The following LCT variants were observed in gnomAD, a reference collection of about 807,000 sequenced individuals.
LCT encodes lactase.
Under a neutral mutation model 173.0 loss-of-function variants are expected in LCT, and 90 were observed. That is an observed-to-expected ratio of 0.52 (90% confidence interval 0.44 to 0.62). The LOEUF is 0.62. LCT is among the 20% of genes least tolerant of loss of function. The pLI, the probability that LCT is intolerant of heterozygous loss-of-function variation, is 0.00. For missense variants in LCT, 1,864 were observed against 2,431.4 expected, an observed-to-expected ratio of 0.77 and a Z score of 4.91; for synonymous variants, 853 against 957.6, an observed-to-expected ratio of 0.89 and a Z score of 2.02.
chr2:135,798,164 C>T, intron 12 of LCT, 26 bp from the exon 13 acceptor site: 3 of 1,250,438 alleles, frequency 2.4e-6, no homozygotes, highest in Non-Finnish European at 3.5e-6. Flanking sequence ...GGGAGACAGC[C>T]CAGGCGTTAC....
Position 135,809,802 on chromosome 2 carries a change from T to C in LCT, c.2545A>G (p.Thr849Ala), listed in dbSNP as rs747693153. The change falls in exon 8 of 17, where the codon ACC (threonine) becomes GCC (alanine). Residue 849 changes from threonine (T) to alanine (A), a missense_variant. Around this residue, in one of 4 missense-constraint regions of LCT, gnomAD observed 755 missense variants for 926.3 expected, o/e 0.82. Coordinates refer to ENST00000264162, the MANE Select transcript of LCT (RefSeq NM_002299.4). This position sits in a 1 kb window ranked among gnomAD's most constrained non-coding sequence, Gnocchi z 5.5. Reference sequence around the variant, plus strand: ...GGTAGCAGTCTTTTTGCCCCCTTGGTGAGGAAACCGTTCTTTTCTATGATG... The same window carrying C: ...GGTAGCAGTCTTTTTGCCCCCTTGGCGAGGAAACCGTTCTTTTCTATGATG... ...TSIIEKNGFLTKGAKRLLPPN... is the reference protein window; with the variant it reads ...TSIIEKNGFLAKGAKRLLPPN... 17 of 1,614,166 alleles carry C rather than the reference T, an allele frequency of 1.1e-5. No homozygotes were observed. In the Admixed American group the frequency reaches 2.8e-4, roughly 27 times the overall value.
At chr2:135,832,497 T>C (rs1338709650) in intron 2 of LCT, among the ~76,000 whole-genome samples, 1 of 151,662 alleles carries the variant, frequency 6.6e-6, no homozygotes, top group Non-Finnish European at 1.5e-5. Context: ...TTAATTTTTT[T>C]TTTTCAAGAC....
intron 1 of LCT, among the ~76,000 whole-genome samples, chr2:135,835,255 T>C (rs1190508164): frequency 6.6e-6 from 1 of 151,924 alleles, no homozygotes; most frequent in Non-Finnish European, 1.5e-5. Flanking sequence ...TCTTTTGTTT[T>C]AAGCAATACT....
chr2:135,834,723 G>T (rs1180581014), intron 1 of LCT, among the ~76,000 whole-genome samples: 1 of 130,284 alleles, frequency 7.7e-6, no homozygotes, highest in East Asian at 2.3e-4. Context: ...GGGAGGCAGA[G>T]GTTGCAGTGA....
chr2:135,820,923 C>T (rs904703929), intron 5 of LCT, among the ~76,000 whole-genome samples: 1 of 151,974 alleles, frequency 6.6e-6, no homozygotes, highest in African/African-American at 2.4e-5. Context: ...CTCCATCACC[C>T]AGGCTGGAGT....
rs1265181323 is a variant in LCT, at chr2:135,808,504, C to T, written c.3843G>A (p.Pro1281=). The T allele has an allele frequency of 8.7e-6, 14 of 1,614,058 alleles. No homozygotes were observed. Among genetic ancestry groups the T allele is most frequent in the South Asian group, 2.2e-5 (2 of 91,074 alleles). Residue 1281 remains proline, a synonymous_variant, in exon 8 of 17, where the codon CCG becomes CCA. Transcript: ENST00000264162. ...ITENGVGLTN[P]NTEDTDRIFY... is the part of the protein sequence containing the mutation. Reference sequence around the variant, plus strand: ...ATATCCTATCAGTATCCTCCGTGTTCGGATTGGTCAGCCCCACTCCGTTTT... The same window carrying T: ...ATATCCTATCAGTATCCTCCGTGTTTGGATTGGTCAGCCCCACTCCGTTTT...
At chr2:135,830,545 A>C (rs942358776) in intron 2 of LCT, among the ~76,000 whole-genome samples, 1 of 152,200 alleles carries the variant, frequency 6.6e-6, no homozygotes, top group East Asian at 1.9e-4. Context: ...GTGAATGCCT[A>C]GTGTTCCATT....
intron 16 of LCT, among the ~76,000 whole-genome samples, chr2:135,788,779 T>C (rs560851755): frequency 6.6e-6 from 1 of 152,352 alleles, no homozygotes; most frequent in Admixed American, 6.5e-5. Context: ...ATATCCCTTA[T>C]CTGACATGCT....
At position 135,789,755 on chromosome 2, in the gene LCT, A is replaced by G; in HGVS notation, c.5379T>C (p.Ser1793=). ...TGGCCCACTCAAAATTGTCCATCGCACTCCAAACTGTGTATCCTCGAAGGT... is the reference window on the plus strand; with the variant it reads ...TGGCCCACTCAAAATTGTCCATCGCGCTCCAAACTGTGTATCCTCGAAGGT... The part of the protein sequence containing the change: ...KVDLRGYTVW[S]AMDNFEWATG... Residue 1793 remains serine (S), a synonymous_variant, in exon 16 of 17, where the codon AGT becomes AGC. Transcript: ENST00000264162. 1 of 1,614,114 alleles carries G rather than the reference A, an allele frequency of 6.2e-7. No homozygotes were observed. Among genetic ancestry groups the G allele is most frequent in the Non-Finnish European group, 8.5e-7 (1 of 1,180,022 alleles).
Position 135,807,008 on chromosome 2 carries a change from C to T in LCT, c.4173+120G>A, listed in dbSNP as rs143202797. ...AGAGGACCTCCCAGACCCCATGCTG[C>T]CCCTCCATGGGTCTGCTGGAATCTC... On this transcript the variant is annotated intron_variant, in intron 9 of 16. Transcript: ENST00000264162. The T allele has an allele frequency of 6.3e-4, 734 of 1,156,716 alleles. 3 individuals are homozygous for T. The African/African-American group carries it at 6.6e-3, about 10-fold the overall frequency. 71.7% of individuals were successfully genotyped at this position (1,156,716 alleles called of 1,614,324 possible). A position where few individuals can be genotyped will look rare whatever the true frequency, so the allele number is the denominator to read the frequency against.
intron 3 of LCT, among the ~76,000 whole-genome samples, chr2:135,826,184 G>C (rs1553434993): frequency 3.3e-5 from 5 of 152,138 alleles, no homozygotes; most frequent in Non-Finnish European, 7.4e-5. Context: ...GTTTGTCCAG[G>C]GAGAGTTTTA....
chr2:135,827,529 G>A (rs1046270314), intron 3 of LCT, among the ~76,000 whole-genome samples: 15 of 152,092 alleles, frequency 9.9e-5, no homozygotes, highest in African/African-American at 2.4e-4. Context: ...ACCAGGGACC[G>A]GTTTCGTGGA....
chr2:135,796,870 C>T (rs1007281502), intron 13 of LCT, among the ~76,000 whole-genome samples: 1 of 151,900 alleles, frequency 6.6e-6, no homozygotes, highest in Non-Finnish European at 1.5e-5. Flanking sequence ...CAGATCAGAC[C>T]TTTAGGCACA....
chr2:135,805,417 A>G (rs888486864), intron 9 of LCT, among the ~76,000 whole-genome samples: 8 of 152,230 alleles, frequency 5.3e-5, no homozygotes, highest in Admixed American at 2.6e-4. Flanking sequence ...ACTCTTGCAC[A>G]GAGACAGACG....
rs375273870 is a variant in LCT, at chr2:135,809,029, G to A, written c.3318C>T (p.His1106=). The A allele has an allele frequency of 1.2e-5, 20 of 1,612,396 alleles. No homozygotes were observed. Among genetic ancestry groups the A allele is most frequent in the Non-Finnish European group, 1.6e-5 (19 of 1,179,070 alleles). ...AVIKAHARVY[H]TYDEKYRQEQ... The stretch of plus-strand genomic sequence containing the variant: ...CCTGCCTGTATTTCTCATCGTACGT[G>A]TGATAGACTCTGGCATGGGCTTTGA... The change falls in exon 8 of 17, where the codon CAC becomes CAT. Residue 1106 remains histidine (H), a synonymous_variant. Transcript: ENST00000264162. The surrounding 1 kb of genome is among the most constrained non-coding windows in gnomAD (Gnocchi z 5.5).
chr2:135,835,380 G>A (rs972558359), intron 1 of LCT, among the ~76,000 whole-genome samples: 6 of 150,554 alleles, frequency 4.0e-5, no homozygotes, highest in South Asian at 2.1e-4. Flanking sequence ...GCCTCCTAAC[G>A]TGCTGGGATT....
chr2:135,815,985 G>A (rs1268202006), intron 6 of LCT, among the ~76,000 whole-genome samples: 3 of 152,188 alleles, frequency 2.0e-5, no homozygotes, highest in Admixed American at 2.0e-4. Flanking sequence ...ACAGGCGTGA[G>A]CCACCATGCC....
intron 5 of LCT, among the ~76,000 whole-genome samples, chr2:135,818,727 C>T (rs1419113821): frequency 2.0e-5 from 3 of 152,180 alleles, no homozygotes; most frequent in Non-Finnish European, 4.4e-5. Flanking sequence ...ATCCCAGCTA[C>T]TCAGGAGGCT....
intron 1 of LCT, 92 bp downstream of exon 1, chr2:135,836,438 T>C (rs553949995): frequency 2.6e-6 from 3 of 1,145,816 alleles, no homozygotes; most frequent in South Asian, 2.5e-5. Flanking sequence ...TGAAGGTGAG[T>C]TGGGAGAAAT....
Sources: allele counts gnomAD v4.1 joint callset (sites outside exome capture counted in the v4.1 genomes callset), GRCh38; gene constraint gnomAD v4.1.1; regional missense constraint gnomAD v4.1.1; non-coding constraint Gnocchi (gnomAD v3.1); transcripts MANE v1.5; gene names NCBI Gene and HGNC (gene_info 2026-07-23, HGNC 2026-07-21).